Variants in NBEAL1 observed in about 807,000 individuals in gnomAD.
NBEAL1 encodes neurobeachin-like protein 1.
A neutral mutation model predicts 351.3 loss-of-function variants in NBEAL1; 273 were observed. The ratio of observed to expected loss-of-function variants is 0.78; its 90% CI spans 0.70 to 0.86. The LOEUF (loss-of-function observed/expected upper bound fraction) is 0.86, where lower values mean the gene tolerates loss of function less well. Ranked by LOEUF, NBEAL1 falls within the 40% of genes least tolerant of loss-of-function variation. The pLI, the probability that NBEAL1 is intolerant of heterozygous loss-of-function variation, is 0.00. For synonymous variants in NBEAL1, 1,050 were observed against 1,086.4 expected (o/e 0.97, Z 0.66); for missense variants, 2,961 against 3,201.3 (o/e 0.92, Z 1.81).
chr2:203,198,928 C>T (rs1272003973), intron 48 of NBEAL1, among the ~76,000 whole-genome samples: 3 of 151,878 alleles, frequency 2.0e-5, no homozygotes, highest in African/African-American at 7.3e-5. Flanking sequence ...TGACTCACGC[C>T]TGTCATCCTA....
chr2:203,223,769 C>T lies in NBEAL1; in HGVS notation c.*6415C>T, dbSNP rs752105371. ...GTCTTCTTTTGGTAACATATTCTGA[C>T]ACTAAGCAACATGTTTTACAATTTA... On this transcript the variant is annotated 3_prime_UTR_variant, in exon 56 of 56. Coordinates refer to ENST00000683969, the MANE Select transcript of NBEAL1 (RefSeq NM_001378026.1). Among the ~76,000 whole-genome samples the T allele has an allele frequency of 3.9e-5, 6 of 151,970 alleles. No individual in the cohort carries two copies. The highest frequency in any genetic ancestry group is 8.8e-5 in the Non-Finnish European group (6 of 67,898).
chr2:203,042,047 A>G (rs1456460134), intron 3 of NBEAL1, among the ~76,000 whole-genome samples, 191 bp downstream of exon 3: 1 of 152,212 alleles, frequency 6.6e-6, no homozygotes, highest in East Asian at 1.9e-4. Context: ...TGGCTTCTAG[A>G]AAACTCTGCT....
intron 3 of NBEAL1, among the ~76,000 whole-genome samples, chr2:203,046,405 C>T: frequency 6.6e-6 from 1 of 151,914 alleles, no homozygotes; most frequent in Middle Eastern, 3.4e-3. Flanking sequence ...TTTTAGTAGA[C>T]ATGGGGTTTC....
chr2:203,154,352 T>A (rs1236816799), intron 35 of NBEAL1, among the ~76,000 whole-genome samples: 5 of 152,186 alleles, frequency 3.3e-5, no homozygotes, highest in Non-Finnish European at 7.3e-5. Flanking sequence ...CAGTCTTTAA[T>A]ATCTTTAAAG....
At chr2:203,167,443 T>C in intron 38 of NBEAL1, 83 bp downstream of exon 38, 2 of 1,324,824 alleles carry the variant, frequency 1.5e-6, no homozygotes, top group Non-Finnish European at 2.0e-6. Context: ...AACTTTGGGC[T>C]GTATTCTTTT....
In NBEAL1 at chr2:203,217,578, T is replaced by C; in HGVS notation, c.*224T>C. 4.5e-6 allele frequency: 5 copies of C among 1,120,148 alleles called. No individual in the cohort carries two copies. The highest frequency in any genetic ancestry group is 1.6e-5 in the African/African-American group (1 of 62,010). 69.4% of individuals were successfully genotyped at this position (1,120,148 alleles called of 1,614,324 possible). A position where few individuals can be genotyped will look rare whatever the true frequency, so the allele number is the denominator to read the frequency against. Reference sequence around the variant, plus strand: ...TTTTGTGGCCCATTCCTAAAGGTCATTGTATCCATTTTTAAAACAAACTAA... The same window carrying C: ...TTTTGTGGCCCATTCCTAAAGGTCACTGTATCCATTTTTAAAACAAACTAA... On this transcript the variant is annotated 3_prime_UTR_variant, in exon 56 of 56. Coordinates refer to ENST00000683969, the MANE Select transcript of NBEAL1 (RefSeq NM_001378026.1).
chr2:203,140,275 C>T (rs2063332664), intron 31 of NBEAL1, among the ~76,000 whole-genome samples: 2 of 150,570 alleles, frequency 1.3e-5, no homozygotes, highest in East Asian at 2.0e-4. Context: ...TGCACTCCAG[C>T]CTGGGCAACA....
intron 23 of NBEAL1, 91 bp downstream of exon 23, chr2:203,127,017 A>T (rs186894800): frequency 3.5e-6 from 3 of 868,786 alleles, no homozygotes; most frequent in African/African-American, 1.7e-5. Flanking sequence ...TCTCTTTACC[A>T]GCGATTCTAG....
At chr2:203,174,216 C>CAAAAAAAAAAAAAAAAAAAA (rs10652390) in intron 41 of NBEAL1, among the ~76,000 whole-genome samples, 3 of 24,614 alleles carry the variant, frequency 1.2e-4, no homozygotes, top group African/African-American at 2.1e-4. Context: ...TTTATACTAG[C>CAAAAAAAAAAAAAAAAAAAA]AAAAAAAAAA....
chr2:203,112,173 G>T (rs936260334), intron 16 of NBEAL1, 75 bp downstream of exon 16: 21 of 1,439,470 alleles, frequency 1.5e-5, no homozygotes, highest in Non-Finnish European at 1.9e-5. Context: ...AAGGTAGAAG[G>T]TTATGTTTAT....
chr2:203,111,925 A>G (rs2062581684), intron 15 of NBEAL1, 54 bp from the exon 16 acceptor site: 2 of 1,514,130 alleles, frequency 1.3e-6, no homozygotes, highest in African/African-American at 2.8e-5. Context: ...AGCATTTGTC[A>G]TTCCAAAGAC....
At chr2:203,167,422 A>G in intron 38 of NBEAL1, 62 bp downstream of exon 38, 1 of 1,474,114 alleles carries the variant, frequency 6.8e-7, no homozygotes, top group African/African-American at 1.4e-5. Context: ...CCAGCTAGTG[A>G]GCTCTAATGG....
chr2:203,170,856 TA>T lies in NBEAL1; in HGVS notation c.6102+1007del, dbSNP rs79987397. Among the ~76,000 whole-genome samples the T allele has an allele frequency of 2.5e-3, 375 of 152,350 alleles. 9 individuals carry two copies. In the East Asian group the frequency reaches 0.065, roughly 27 times the overall value. On this transcript the variant is annotated intron_variant, in intron 39 of 55. Coordinates refer to ENST00000683969, the MANE Select transcript of NBEAL1 (RefSeq NM_001378026.1). ...AAGTATCCTCTGAGGATAATTAATG[TA>T]ATGTTTCATTAAAATAGTTGGATAG... is the stretch of plus-strand genomic sequence containing the variant.
intron 2 of NBEAL1, among the ~76,000 whole-genome samples, chr2:203,038,519 A>G (rs2061075381): frequency 6.7e-6 from 1 of 148,924 alleles, no homozygotes; most frequent in Non-Finnish European, 1.5e-5. Flanking sequence ...GAAGTGTCCA[A>G]GCTTTTTGCC....
At position 203,144,671 on chromosome 2, in the gene NBEAL1, A is replaced by T. The variant is rs776682897; in HGVS notation, c.4920A>T (p.Ala1640=). 1 of 1,614,172 alleles carries T rather than the reference A, an allele frequency of 6.2e-7. No homozygotes were observed. The highest frequency in any genetic ancestry group is 8.5e-7 in the Non-Finnish European group (1 of 1,180,010). The change falls in exon 32 of 56, where the codon GCA becomes GCT. Residue 1640 remains alanine (A), a synonymous_variant. Transcript: ENST00000683969. ...AAGTGATTGAAAATCAGGATGAAGCATGTTACATTTTAGGGAAGCTGGAAC... is the reference window on the plus strand; with the variant it reads ...AAGTGATTGAAAATCAGGATGAAGCTTGTTACATTTTAGGGAAGCTGGAAC... The part of the protein sequence containing the change: ...QTKVIENQDE[A]CYILGKLEHV...
At chr2:203,112,183 T>C (rs1468801891) in intron 16 of NBEAL1, 85 bp downstream of exon 16, 1 of 1,382,730 alleles carries the variant, frequency 7.2e-7, no homozygotes. Context: ...GTTATGTTTA[T>C]TGTAAATATG....
intron 39 of NBEAL1, 140 bp downstream of exon 39, chr2:203,169,991 C>A: frequency 1.7e-6 from 1 of 588,320 alleles, no homozygotes; most frequent in Non-Finnish European, 3.0e-6. Context: ...TTGAATCTTC[C>A]TTTGTTTCCC....
chr2:203,134,475 TA>T (rs1471434782), intron 27 of NBEAL1, among the ~76,000 whole-genome samples: 1 of 152,188 alleles, frequency 6.6e-6, no homozygotes, highest in African/African-American at 2.4e-5. Context: ...TTGCCTTCTG[TA>T]TCAACATGTA....
intron 2 of NBEAL1, among the ~76,000 whole-genome samples, chr2:203,026,404 A>G (rs1027631123): frequency 4.6e-5 from 7 of 152,138 alleles, no homozygotes; most frequent in African/African-American, 7.2e-5. Flanking sequence ...TAATTAGTCT[A>G]TTATGTTGTA....
Sources: allele counts gnomAD v4.1 joint callset (sites outside exome capture counted in the v4.1 genomes callset), GRCh38; gene constraint gnomAD v4.1.1; transcripts MANE v1.5; gene names NCBI Gene and HGNC (gene_info 2026-07-23, HGNC 2026-07-21).